The following MCC variants were observed in gnomAD, a reference collection of about 807,000 sequenced individuals.
MCC encodes the protein MCC regulator of Wnt signaling pathway, also known as colorectal mutant cancer protein.
Under a neutral mutation model 116.2 loss-of-function variants are expected in MCC, and 90 were observed. That is an observed-to-expected ratio of 0.77 (90% CI 0.65 to 0.92). MCC has a LOEUF of 0.92. Ranked by LOEUF, MCC falls within the 40% of genes least tolerant of loss-of-function variation. The pLI, the probability that MCC is intolerant of heterozygous loss-of-function variation, is 0.00. For missense variants in MCC, 1,516 were observed against 1,312.2 expected (o/e 1.16, Z -2.40); for synonymous variants, 578 against 510.5 (o/e 1.13, Z -1.78).
intron 3 of MCC, among the ~76,000 whole-genome samples, chr5:113,156,469 G>A (rs952907105): frequency 2.6e-5 from 4 of 152,186 alleles, no homozygotes; most frequent in African/African-American, 7.2e-5. Context: ...AGAGGTGCTA[G>A]GGACACTCAG....
In MCC at chr5:113,209,037, G is replaced by A. The variant is rs182628377; in HGVS notation, c.628-57615C>T. Among the ~76,000 whole-genome samples the A allele has an allele frequency of 1.7e-3, 252 of 152,252 alleles. 1 individual carries two copies. Among genetic ancestry groups the A allele is most frequent in the African/African-American group, 5.8e-3 (239 of 41,530 alleles). On this transcript the variant is annotated intron_variant, in intron 3 of 18. Coordinates refer to ENST00000408903, the MANE Select transcript of MCC (RefSeq NM_001085377.2). ...ACACTTCAAAAAGGAAATTGATACA[G>A]GCTATCTCTTAAATTACCTTCTATG... is the stretch of plus-strand genomic sequence containing the variant.
intron 3 of MCC, among the ~76,000 whole-genome samples, chr5:113,286,677 A>C (rs1766275201): frequency 6.6e-6 from 1 of 152,218 alleles, no homozygotes; most frequent in African/African-American, 2.4e-5. Context: ...AAAGTTAACA[A>C]ACTCAACATA....
intron 3 of MCC, among the ~76,000 whole-genome samples, chr5:113,217,225 A>T (rs1212456535): frequency 1.3e-5 from 2 of 152,186 alleles, no homozygotes; most frequent in East Asian, 1.9e-4. Flanking sequence ...TCTCTCTCCC[A>T]TAAAGATTCA....
At chr5:113,428,027 C>T (rs1443739975) in intron 1 of MCC, among the ~76,000 whole-genome samples, 1 of 152,126 alleles carries the variant, frequency 6.6e-6, no homozygotes, top group Admixed American at 6.6e-5. Flanking sequence ...CATCATCTAT[C>T]AGTAATTTTC....
At chr5:113,149,851 T>G (rs1251365622) in intron 4 of MCC, among the ~76,000 whole-genome samples, 1 of 152,094 alleles carries the variant, frequency 6.6e-6, no homozygotes, top group East Asian at 1.9e-4. Context: ...GGCATCAGCT[T>G]GGGGAGAATC....
At chr5:113,182,526 G>A (rs1488280628) in intron 3 of MCC, among the ~76,000 whole-genome samples, 5 of 152,112 alleles carry the variant, frequency 3.3e-5, no homozygotes, top group Non-Finnish European at 5.9e-5. Flanking sequence ...AACCTGGGAG[G>A]CGGAGGTTGC....
At chr5:113,297,364 A>T (rs1250144946) in intron 3 of MCC, among the ~76,000 whole-genome samples, 1 of 152,108 alleles carries the variant, frequency 6.6e-6, no homozygotes, top group Admixed American at 6.6e-5. Flanking sequence ...CAAGAGTTTG[A>T]GACCAGGCTG....
At chr5:113,482,406 A>T (rs947846985) in intron 1 of MCC, among the ~76,000 whole-genome samples, 9 of 152,158 alleles carry the variant, frequency 5.9e-5, no homozygotes, top group African/African-American at 2.2e-4. Flanking sequence ...ATTTCTTTAC[A>T]TCCTTGTCAA....
intron 3 of MCC, among the ~76,000 whole-genome samples, chr5:113,312,076 A>T (rs1767147741): frequency 6.6e-6 from 1 of 152,186 alleles, no homozygotes; most frequent in African/African-American, 2.4e-5. Flanking sequence ...ACTGCACTCC[A>T]GCCTGGCTGA....
intron 1 of MCC, among the ~76,000 whole-genome samples, chr5:113,457,025 C>G (rs1390425826): frequency 1.3e-5 from 2 of 152,238 alleles, no homozygotes; most frequent in African/African-American, 4.8e-5. Flanking sequence ...CCTCCTCTGC[C>G]TGGGCTCCCA....
chr5:113,128,770 T>C lies in MCC; in HGVS notation c.885-5944A>G, dbSNP rs558260166. ...GAAACACTCTTCTTTCTGGGTTTTA[T>C]TTTTATTTCATTGCATTATACTTTT... is the stretch of plus-strand genomic sequence containing the variant. On this transcript the variant is annotated intron_variant, in intron 5 of 18. Transcript: ENST00000408903. Among the ~76,000 whole-genome samples, 5 of 152,362 alleles carry C rather than the reference T, an allele frequency of 3.3e-5. No individual in the cohort carries two copies. The South Asian group carries it at 8.3e-4, about 25-fold the overall frequency.
chr5:113,483,349 C>A (rs1048069246), intron 1 of MCC, among the ~76,000 whole-genome samples: 6 of 152,158 alleles, frequency 3.9e-5, no homozygotes, highest in Admixed American at 6.5e-5. Flanking sequence ...TTCTGTAAAT[C>A]AATTTGGGAA....
chr5:113,133,147 G>A (rs1758568187), intron 5 of MCC, among the ~76,000 whole-genome samples: 1 of 151,890 alleles, frequency 6.6e-6, no homozygotes, highest in Non-Finnish European at 1.5e-5. Context: ...TCTTTATGCT[G>A]GGAACATTCA....
chr5:113,232,357 T>A (rs1327351420), intron 3 of MCC, among the ~76,000 whole-genome samples: 2 of 152,194 alleles, frequency 1.3e-5, no homozygotes, highest in African/African-American at 2.4e-5. Context: ...GGAGTCCAGT[T>A]ACATAATTTT....
chr5:113,233,305 C>A (rs769263682), intron 3 of MCC, among the ~76,000 whole-genome samples: 2 of 152,098 alleles, frequency 1.3e-5, no homozygotes, highest in Non-Finnish European at 2.9e-5. Context: ...CGGAAAGTTG[C>A]CAAAAGGTTT....
At chr5:113,234,644 A>G (rs892812515) in intron 3 of MCC, 2 of 152,224 alleles carry the variant, frequency 1.3e-5, no homozygotes, top group African/African-American at 2.4e-5. Context: ...AAAACAGAGA[A>G]TATCTGTTGA....
intron 3 of MCC, among the ~76,000 whole-genome samples, chr5:113,178,021 A>G (rs1174382957): frequency 6.6e-6 from 1 of 152,248 alleles, no homozygotes; most frequent in East Asian, 1.9e-4. Context: ...TTGGAACACC[A>G]TCTGCAAAAC....
chr5:113,425,966 C>T (rs1770471266), intron 1 of MCC, among the ~76,000 whole-genome samples: 1 of 152,018 alleles, frequency 6.6e-6, no homozygotes, highest in Admixed American at 6.6e-5. Flanking sequence ...GTGAGTCTGG[C>T]AGCCGAGGGC....
At chr5:113,083,210 C>A (rs866285313) in intron 10 of MCC, among the ~76,000 whole-genome samples, 1 of 150,144 alleles carries the variant, frequency 6.7e-6, no homozygotes, top group African/African-American at 2.5e-5. Context: ...AAAAAAAAAA[C>A]CAGGATCAAA....
Sources: allele counts gnomAD v4.1 joint callset (sites outside exome capture counted in the v4.1 genomes callset), GRCh38; gene constraint gnomAD v4.1.1; transcripts MANE v1.5; gene names NCBI Gene and HGNC (gene_info 2026-07-23, HGNC 2026-07-21).